DMRTB1: variants seen among roughly 807,000 people sequenced by gnomAD.
The protein encoded by DMRTB1 is DMRT like family B with proline rich C-terminal 1.
In DMRTB1, 9 loss-of-function variants were observed where a neutral mutation model predicts 25.2. The ratio of observed to expected loss-of-function variants is 0.36; its 90% CI spans 0.22 to 0.62. DMRTB1 has a LOEUF of 0.62. DMRTB1 is among the 20% of genes least tolerant of loss of function. DMRTB1 has a pLI of 0.71. For synonymous variants in DMRTB1, 269 were observed against 238.1 expected, an observed-to-expected ratio of 1.13 and a Z score of -1.20; for missense variants, 551 against 499.3, an observed-to-expected ratio of 1.10 and a Z score of -0.99.
rs142750404 is a variant in DMRTB1, at chr1:53,461,524, G to C, written c.629G>C (p.Gly210Ala). 1.9e-6 allele frequency: 3 copies of C among 1,611,868 alleles called. No homozygotes were observed. Among genetic ancestry groups the C allele is most frequent in the South Asian group, 1.1e-5 (1 of 90,550 alleles). Residue 210 changes from glycine to alanine, a missense_variant, in exon 2 of 4, where the codon GGT becomes GCT. Coordinates refer to ENST00000371445, the MANE Select transcript of DMRTB1 (RefSeq NM_033067.3). ...PDRALGPEYP[G>A]GSSMHPYCPF... ...CGTGCACTGGGCCCTGAGTACCCTGGTGGCTCCAGCATGCACCCCTACTGC... is the reference window on the plus strand; with the variant it reads ...CGTGCACTGGGCCCTGAGTACCCTGCTGGCTCCAGCATGCACCCCTACTGC...
intron 2 of DMRTB1, among the ~76,000 whole-genome samples, chr1:53,462,641 A>C (rs1644028576): frequency 6.6e-6 from 1 of 152,214 alleles, no homozygotes; most frequent in African/African-American, 2.4e-5. Flanking sequence ...TCGAGAAAAA[A>C]AGGCTCAGAG....
rs1197697628 is a variant in DMRTB1 at position 53,466,920 on chromosome 1, C to T, written c.*258C>T. The T allele has an allele frequency of 2.0e-6, 1 of 504,878 alleles. No homozygotes were observed. The highest frequency in any genetic ancestry group is 3.7e-5 in the Admixed American group (1 of 27,134). The allele number at this position is 504,878 out of a possible 1,614,324, so 31.3% of individuals were successfully genotyped here. A position where few individuals can be genotyped will look rare whatever the true frequency, so the allele number is the denominator to read the frequency against. The stretch of plus-strand genomic sequence containing the variant: ...AGGAGTGGGCGCTGGGAGAAGCTCC[C>T]ATTTAGGAATGAATTTAACTGTCCT... On this transcript the variant is annotated 3_prime_UTR_variant, in exon 4 of 4. Transcript: ENST00000371445.
intron 2 of DMRTB1, among the ~76,000 whole-genome samples, chr1:53,462,598 C>G (rs1644028333): frequency 6.6e-6 from 1 of 152,222 alleles, no homozygotes; most frequent in African/African-American, 2.4e-5. Context: ...GTCTATTGAA[C>G]CTTCAAGGCA....
At position 53,461,494 on chromosome 1, in the gene DMRTB1, C is replaced by T. The variant is rs374401396; in HGVS notation, c.599C>T (p.Pro200Leu). The change falls in exon 2 of 4, where the codon CCG becomes CTG. Residue 200 changes from proline to leucine, a missense_variant. Coordinates refer to ENST00000371445, the MANE Select transcript of DMRTB1 (RefSeq NM_033067.3). ...TDFVRPLNINPDRALGPEYPG... is the reference protein window; with the variant it reads ...TDFVRPLNINLDRALGPEYPG... ...TTAGTGCGCCCTCTGAACATCAACC[C>T]GGACCGTGCACTGGGCCCTGAGTAC... 6.3e-5 allele frequency: 101 copies of T among 1,603,534 alleles called. No individual in the cohort carries two copies. Among genetic ancestry groups the T allele is most frequent in the Non-Finnish European group, 8.0e-5 (94 of 1,174,716 alleles).
At chr1:53,460,832 C>G (rs955465312) in intron 1 of DMRTB1, among the ~76,000 whole-genome samples, 1 of 152,198 alleles carries the variant, frequency 6.6e-6, no homozygotes, top group African/African-American at 2.4e-5. Flanking sequence ...TGGACAAGCT[C>G]CTGCCCTCTG....
At position 53,463,331 on chromosome 1, in the gene DMRTB1, G is replaced by A. The variant is rs575939522; in HGVS notation, c.751-1306G>A. Reference sequence around the variant, plus strand: ...GCTGCTTGGCTTCCTCTGCCCTCCTGTTCACAGGACAGCACTGGCCCTGGA... The same window carrying A: ...GCTGCTTGGCTTCCTCTGCCCTCCTATTCACAGGACAGCACTGGCCCTGGA... On this transcript the variant is annotated intron_variant, in intron 2 of 3. Transcript: ENST00000371445. Among the ~76,000 whole-genome samples, 38 of 152,210 alleles carry A rather than the reference G, an allele frequency of 2.5e-4. 1 individual carries two copies. The South Asian group carries it at 7.7e-3, about 31-fold the overall frequency.
At position 53,466,881 on chromosome 1, in the gene DMRTB1, G is replaced by C; in HGVS notation, c.*219G>C. ...TGTGGAGGAAGCTATTACCAGGGGA[G>C]GGCCAGGGCTCTGAGGAGTGGGCGC... is the stretch of plus-strand genomic sequence containing the variant. On this transcript the variant is annotated 3_prime_UTR_variant, in exon 4 of 4. Transcript: ENST00000371445. The C allele has an allele frequency of 1.8e-6, 1 of 568,012 alleles. No homozygotes were observed. The highest frequency in any genetic ancestry group is 2.4e-5 in the South Asian group (1 of 42,286). 35.2% of individuals were successfully genotyped at this position (568,012 alleles called of 1,614,324 possible).
At chr1:53,463,719 CAAAG>C (rs756980561) in intron 2 of DMRTB1, among the ~76,000 whole-genome samples, 2 of 152,192 alleles carry the variant, frequency 1.3e-5, no homozygotes, top group Non-Finnish European at 2.9e-5. Flanking sequence ...ACTCACTTAA[CAAAG>C]AACACTTTTA....
chr1:53,459,599 T>G lies in DMRTB1; in HGVS notation c.146T>G (p.Ile49Ser). The G allele has an allele frequency of 6.3e-7, 1 of 1,593,302 alleles. No homozygotes were observed. Among genetic ancestry groups the G allele is most frequent in the Non-Finnish European group, 8.5e-7 (1 of 1,170,236 alleles). The change falls in exon 1 of 4, where the codon ATC becomes AGC. Residue 49 changes from isoleucine (I) to serine (S), a missense_variant. Coordinates refer to ENST00000371445, the MANE Select transcript of DMRTB1 (RefSeq NM_033067.3). ...KCYLISERQK[I>S]MAAQKVLKTQ... is the part of the protein sequence containing the mutation. Reference sequence around the variant, plus strand: ...TACCTGATCTCCGAGCGCCAGAAGATCATGGCCGCGCAGAAGGTGCTCAAG... The same window carrying G: ...TACCTGATCTCCGAGCGCCAGAAGAGCATGGCCGCGCAGAAGGTGCTCAAG...
At chr1:53,463,863 C>G (rs1288632) in intron 2 of DMRTB1, among the ~76,000 whole-genome samples, 58,974 of 152,082 alleles carry the variant, frequency 0.39, 13,986 homozygotes, top group African/African-American at 0.67. Flanking sequence ...TTATTTCTTA[C>G]GACATTTGTG....
At chr1:53,466,432 G>A (rs1025551301) in intron 3 of DMRTB1, among the ~76,000 whole-genome samples, 163 bp from the exon 4 acceptor site, 2 of 152,220 alleles carry the variant, frequency 1.3e-5, no homozygotes, top group African/African-American at 4.8e-5. Context: ...TGGAGGTTGC[G>A]GTGAGCTGAG....
Position 53,466,814 on chromosome 1 carries a change from A to C in DMRTB1, c.*152A>C. 1.3e-6 allele frequency: 1 copy of C among 770,362 alleles called. No homozygotes were observed. The highest frequency in any genetic ancestry group is 2.5e-5 in the East Asian group (1 of 40,202). The allele number at this position is 770,362 out of a possible 1,614,324, so 47.7% of individuals were successfully genotyped here. A position where few individuals can be genotyped will look rare whatever the true frequency, so the allele number is the denominator to read the frequency against. On this transcript the variant is annotated 3_prime_UTR_variant, in exon 4 of 4. Transcript: ENST00000371445. The stretch of plus-strand genomic sequence containing the variant: ...AGTTTAAGATAGGAGGAAGGAGAGC[A>C]ATTTCTAAGTTTCAATCCTGCGCTG...
chr1:53,462,738 C>G (rs554627506), intron 2 of DMRTB1, among the ~76,000 whole-genome samples: 1 of 152,354 alleles, frequency 6.6e-6, no homozygotes, highest in Admixed American at 6.5e-5. Context: ...AGAGCCGGGT[C>G]GTGCACCTCA....
At chr1:53,464,408 C>T (rs1345819683) in intron 2 of DMRTB1, among the ~76,000 whole-genome samples, 2 of 152,172 alleles carry the variant, frequency 1.3e-5, no homozygotes, top group Admixed American at 6.5e-5. Context: ...TCACTGTGAC[C>T]GTTCAGCTGT....
intron 3 of DMRTB1, 44 bp from the exon 4 acceptor site, chr1:53,466,551 T>G: frequency 2.5e-6 from 4 of 1,573,388 alleles, no homozygotes; most frequent in Non-Finnish European, 2.6e-6. Context: ...GTAGTTGTAA[T>G]TTTCGCTCTT....
intron 2 of DMRTB1, 116 bp downstream of exon 2, chr1:53,461,761 G>A (rs1485598888): frequency 2.4e-6 from 3 of 1,260,870 alleles, no homozygotes; most frequent in East Asian, 5.4e-5. Flanking sequence ...CGCCATGCCA[G>A]CCCCCGAGTG....
chr1:53,459,813 C>T lies in DMRTB1; in HGVS notation c.360C>T (p.Phe120=). 4 of 1,439,720 alleles carry T rather than the reference C, an allele frequency of 2.8e-6. No individual in the cohort carries two copies. Among genetic ancestry groups the T allele is most frequent in the Non-Finnish European group, 3.6e-6 (4 of 1,103,512 alleles). The allele number at this position is 1,439,720 out of a possible 1,614,324, so 89.2% of individuals were successfully genotyped here. The change falls in exon 1 of 4, where the codon TTC becomes TTT. Residue 120 remains phenylalanine, a synonymous_variant. Transcript: ENST00000371445. ...AGGGCCGCGCGGCCGCTTGCTTCTT[C>T]GAGCAGCCCCCGCGGGGCCGGAACC... is the stretch of plus-strand genomic sequence containing the variant. The part of the protein sequence containing the change: ...GPEGRAAACF[F]EQPPRGRNPG...
rs1183483760 is a variant in DMRTB1, at chr1:53,464,761, T to C, written c.875T>C (p.Leu292Pro). The C allele has an allele frequency of 4.3e-6, 7 of 1,613,070 alleles. No homozygotes were observed. The highest frequency in any genetic ancestry group is 1.7e-5 in the Admixed American group (1 of 59,950). The change falls in exon 3 of 4, where the codon CTC (leucine) becomes CCC (proline). Residue 292 changes from leucine to proline, a missense_variant. By Grantham distance (98) the Leu-to-Pro change is moderately conservative. Coordinates refer to ENST00000371445, the MANE Select transcript of DMRTB1 (RefSeq NM_033067.3). ...QFLPPGYLSA[L>P]HFLPPPPPPP... ...CTCCCGCCAGGCTACCTCTCTGCGC[T>C]CCACTTCCTCCCCCCGCCACCGCCA...
chr1:53,464,631 G>A lies in DMRTB1; in HGVS notation c.751-6G>A, dbSNP rs367594464. 20 of 1,613,046 alleles carry A rather than the reference G, an allele frequency of 1.2e-5. No homozygotes were observed. The highest frequency in any genetic ancestry group is 1.2e-4 in the Admixed American group (7 of 60,010). ...TCTCCGCCTCTCTGCTGTGTGTGCC[G>A]TGCAGGTGTCAGAACCAGGAGGAGA... On this transcript the variant is annotated splice_region_variant and splice_polypyrimidine_tract_variant and intron_variant, in intron 2 of 3. Coordinates refer to ENST00000371445, the MANE Select transcript of DMRTB1 (RefSeq NM_033067.3).
Sources: allele counts gnomAD v4.1 joint callset (sites outside exome capture counted in the v4.1 genomes callset), GRCh38; gene constraint gnomAD v4.1.1; transcripts MANE v1.5; gene names NCBI Gene and HGNC (gene_info 2026-07-23, HGNC 2026-07-21).